GREB1: variants seen among roughly 807,000 people sequenced by gnomAD.
The protein encoded by GREB1 is protein GREB1.
GREB1 carries 106 observed loss-of-function variants against 200.7 expected under a neutral mutation model. The observed-to-expected ratio is 0.53, with a 90% CI of 0.45 to 0.62. The LOEUF is 0.62. GREB1 is among the 20% of genes least tolerant of loss of function. GREB1 has a pLI of 0.00. For missense variants in GREB1, 2,243 were observed against 2,556.8 expected, an observed-to-expected ratio of 0.88 and a Z score of 2.65; for synonymous variants, 1,132 against 1,092.4, an observed-to-expected ratio of 1.04 and a Z score of -0.72.
At chr2:11,573,947 C>T (rs541391208) in intron 4 of GREB1, among the ~76,000 whole-genome samples, 2 of 152,356 alleles carry the variant, frequency 1.3e-5, no homozygotes, top group South Asian at 4.1e-4. Flanking sequence ...TAGTTTCTTG[C>T]AGTTCTGTTT....
intron 10 of GREB1, chr2:11,592,239 G>C (rs1341969179): frequency 9.1e-6 from 2 of 220,154 alleles, no homozygotes; most frequent in East Asian, 2.1e-4. Context: ...ATTCTGGATT[G>C]ATACTTATTC....
intron 30 of GREB1, among the ~76,000 whole-genome samples, chr2:11,636,936 GGTCATGGGCAGGGACAGA>G (rs1443978035): frequency 8.5e-5 from 9 of 105,950 alleles, no homozygotes; most frequent in African/African-American, 2.7e-4. Context: ...ACAGAGGCAG[GGTCATGGGCAGGGACAGA>G]GGCAGGGGCA....
chr2:11,528,643 A>G (rs1327422802), intron 1 of GREB1, among the ~76,000 whole-genome samples: 1 of 152,222 alleles, frequency 6.6e-6, no homozygotes, highest in African/African-American at 2.4e-5. Flanking sequence ...AATATTTTAT[A>G]AAGTCCTTTA....
chr2:11,493,350 T>C lies in GREB1; in HGVS notation c.-159+10969T>C, dbSNP rs955591870. Among the ~76,000 whole-genome samples the C allele has an allele frequency of 2.0e-5, 3 of 152,142 alleles. No homozygotes were observed. The highest frequency in any genetic ancestry group is 4.4e-5 in the Non-Finnish European group (3 of 68,030). The stretch of plus-strand genomic sequence containing the variant: ...AACTATTCCACCTCAGATCATCAGG[T>C]ATTAGATTCTCATAAGGAGCGTGCA... On this transcript the variant is annotated intron_variant, in intron 1 of 2. Coordinates refer to the GREB1 transcript ENST00000628795. The surrounding 1 kb of genome is among the most constrained non-coding windows in gnomAD (Gnocchi z 4.6).
At position 11,588,767 on chromosome 2, in the gene GREB1, T is replaced by G. The variant is rs1680431499; in HGVS notation, c.1181T>G (p.Leu394Arg). 6.2e-7 allele frequency: 1 copy of G among 1,614,080 alleles called. No homozygotes were observed. Among genetic ancestry groups the G allele is most frequent in the Non-Finnish European group, 8.5e-7 (1 of 1,180,024 alleles). Reference protein sequence around the residue: ...IFKGHGNFPYLCGNLNDVVVS... With the variant: ...IFKGHGNFPYRCGNLNDVVVS... ...GCAGGCCATGGGAACTTCCCTTACC[T>G]CTGTGGGAACCTGAATGACGTCGTG... Residue 394 changes from leucine to arginine, a missense_variant, in exon 10 of 33, where the codon CTC (leucine) becomes CGC (arginine). Physicochemically the swap from Leu to Arg is moderately radical, Grantham distance 102. This residue lies in a region of GREB1 where 1,178 missense variants were observed against 1,387.4 expected (regional missense o/e 0.85). Transcript: ENST00000381486.
chr2:11,526,187 C>T (rs772747336), intron 1 of GREB1, among the ~76,000 whole-genome samples: 3 of 152,202 alleles, frequency 2.0e-5, no homozygotes, highest in Non-Finnish European at 4.4e-5. Context: ...CGTTCTTCTG[C>T]ACTCATCTTT....
chr2:11,539,114 G>A (rs1674542132), intron 1 of GREB1, among the ~76,000 whole-genome samples: 1 of 147,610 alleles, frequency 6.8e-6, no homozygotes, highest in Non-Finnish European at 1.5e-5. Context: ...GTGCAGTGGT[G>A]CGATCACAGC....
In GREB1 at chr2:11,587,471, C is replaced by A. The variant is rs746763608; in HGVS notation, c.1160-1275C>A. 12 of 1,612,354 alleles carry A rather than the reference C, an allele frequency of 7.4e-6. No homozygotes were observed. In the African/African-American group the frequency reaches 1.5e-4, roughly 20 times the overall value. ...CTTATGAGAGGCGTGAATTCATGGACCCATCCTGGAATCAGAATCAGGCCC... is the reference window on the plus strand; with the variant it reads ...CTTATGAGAGGCGTGAATTCATGGAACCATCCTGGAATCAGAATCAGGCCC... On this transcript the variant is annotated intron_variant, in intron 9 of 32. Transcript: ENST00000381486.
chr2:11,571,801 C>G (rs1678325745), intron 4 of GREB1, among the ~76,000 whole-genome samples: 1 of 152,146 alleles, frequency 6.6e-6, no homozygotes, highest in Non-Finnish European at 1.5e-5. Flanking sequence ...AGCTCCACCT[C>G]CTGGGTTCAC....
At position 11,609,961 on chromosome 2, in the gene GREB1, C is replaced by T. The variant is rs868223973; in HGVS notation, c.2667-727C>T. 1.1e-4 allele frequency among the ~76,000 whole-genome samples: 16 copies of T among 152,274 alleles called. No individual in the cohort carries two copies. The Middle Eastern group carries it at 0.014, about 129-fold the overall frequency. On this transcript the variant is annotated intron_variant, in intron 17 of 32. Coordinates refer to ENST00000381486, the MANE Select transcript of GREB1 (RefSeq NM_014668.4). ...AACTGGATACCAATTTATTTATTCA[C>T]GTTGAGAAACACCATCATCTACAGG...
intron 1 of GREB1, among the ~76,000 whole-genome samples, chr2:11,522,316 G>A (rs1456085339): frequency 6.6e-6 from 1 of 152,036 alleles, no homozygotes; most frequent in Non-Finnish European, 1.5e-5. Flanking sequence ...TCATTGCCAA[G>A]GTCTGATTTT....
At chr2:11,632,768 C>G in intron 27 of GREB1, 121 bp from the exon 28 acceptor site, 1 of 727,076 alleles carries the variant, frequency 1.4e-6, no homozygotes, top group Non-Finnish European at 2.4e-6. Context: ...ACAGGTGATT[C>G]ATGTCAGGAA....
At chr2:11,595,432 A>G (rs1404675231) in intron 12 of GREB1, 53 bp downstream of exon 12, 5 of 1,578,530 alleles carry the variant, frequency 3.2e-6, no homozygotes, top group Non-Finnish European at 4.3e-6. Flanking sequence ...GACAGTAATC[A>G]GTGCCGGGGG....
rs1672818430 is a variant in GREB1, at chr2:11,493,683, G to C, written c.-159+11302G>C. 6.6e-6 allele frequency among the ~76,000 whole-genome samples: 1 copy of C among 152,156 alleles called. No individual in the cohort carries two copies. The highest frequency in any genetic ancestry group is 1.9e-4 in the East Asian group (1 of 5,204). ...AGTATTAATGCAACCTTATGTTTTT[G>C]AAGGTTGCATTTTTTTCCCCAAAAT... On this transcript the variant is annotated intron_variant, in intron 1 of 2. Coordinates refer to the GREB1 transcript ENST00000628795. The surrounding 1 kb of genome is among the most constrained non-coding windows in gnomAD (Gnocchi z 4.6).
chr2:11,624,527 T>C (rs1684278110), intron 23 of GREB1, among the ~76,000 whole-genome samples: 1 of 151,876 alleles, frequency 6.6e-6, no homozygotes, highest in African/African-American at 2.4e-5. Context: ...GTATTTTTAG[T>C]AGATACGGGG....
chr2:11,635,162 A>T (rs1271935934), intron 29 of GREB1, 108 bp from the exon 30 acceptor site: 1 of 1,321,070 alleles, frequency 7.6e-7, no homozygotes, highest in African/African-American at 1.5e-5. Context: ...AGCCCACTCC[A>T]CCTTCATAGC....
At chr2:11,495,796 G>GTTT (rs71393887) in intron 1 of GREB1, among the ~76,000 whole-genome samples, 19 of 136,986 alleles carry the variant, frequency 1.4e-4, no homozygotes, top group East Asian at 2.1e-4. Flanking sequence ...AAGTCCCCCC[G>GTTT]TTTTTTTTTT....
At chr2:11,619,052 A>G in intron 22 of GREB1, 133 bp downstream of exon 22, 3 of 907,810 alleles carry the variant, frequency 3.3e-6, no homozygotes, top group Non-Finnish European at 3.2e-6. Flanking sequence ...ATCTTCTCCA[A>G]TGGCCTGGGG....
intron 1 of GREB1, among the ~76,000 whole-genome samples, chr2:11,551,901 T>C (rs925986327): frequency 1.3e-5 from 2 of 152,272 alleles, no homozygotes; most frequent in African/African-American, 4.8e-5. Flanking sequence ...TTGTAGCACT[T>C]ATGGACAATA....
Sources: gnomAD v4.1 joint callset for allele counts (sites outside exome capture counted in the v4.1 genomes callset) on GRCh38, gnomAD v4.1.1 for gene constraint, gnomAD v4.1.1 regional missense constraint, Gnocchi (gnomAD v3.1) non-coding constraint, MANE v1.5 for transcripts, NCBI Gene and HGNC (gene_info 2026-07-23, HGNC 2026-07-21) for gene names.